IL33: variants seen among roughly 807,000 people sequenced by gnomAD.
The protein encoded by IL33 is interleukin-33.
IL33 carries 37 observed loss-of-function variants against 27.3 expected under a neutral mutation model. The ratio of observed to expected loss-of-function variants is 1.36; its 90% confidence interval spans 1.04 to 1.78. IL33 has a LOEUF of 1.78. Among genes scored for constraint, IL33 ranks in the 40% most tolerant of loss-of-function variants. The pLI is 0.00. For missense variants in IL33, 406 were observed against 311.4 expected, an observed-to-expected ratio of 1.30 and a Z score of -2.29; for synonymous variants, 132 against 102.9, an observed-to-expected ratio of 1.28 and a Z score of -1.71.
At chr9:6,221,812 G>A (rs1818422920) in intron 1 of IL33, among the ~76,000 whole-genome samples, 1 of 152,160 alleles carries the variant, frequency 6.6e-6, no homozygotes, top group Non-Finnish European at 1.5e-5. Flanking sequence ...GCATCAGTGG[G>A]TACACTCAAG....
At chr9:6,240,116 G>C (rs1245593850) in intron 1 of IL33, among the ~76,000 whole-genome samples, 2 of 152,148 alleles carry the variant, frequency 1.3e-5, no homozygotes, top group Non-Finnish European at 2.9e-5. Flanking sequence ...TCTACAAAAA[G>C]AGTCCAACTT....
intron 2 of IL33, among the ~76,000 whole-genome samples, chr9:6,248,168 C>G (rs777010746): frequency 6.6e-6 from 1 of 151,922 alleles, no homozygotes; most frequent in Non-Finnish European, 1.5e-5. Flanking sequence ...AATGTTTCCA[C>G]CAAAACTCAT....
chr9:6,251,430 G>T (rs1816350396), intron 4 of IL33, among the ~76,000 whole-genome samples, 165 bp downstream of exon 4: 1 of 152,082 alleles, frequency 6.6e-6, no homozygotes, highest in Admixed American at 6.5e-5. Context: ...TCCAAAGTAG[G>T]TGCAAGGTAG....
At chr9:6,254,163 T>A (rs148041582) in intron 6 of IL33, among the ~76,000 whole-genome samples, 99 of 152,288 alleles carry the variant, frequency 6.5e-4, no homozygotes, top group Middle Eastern at 3.4e-3. Context: ...GAATATTGGG[T>A]GACACTATGA....
chr9:6,245,221 G>T (rs754622216), intron 2 of IL33, among the ~76,000 whole-genome samples: 1 of 152,034 alleles, frequency 6.6e-6, no homozygotes, highest in Non-Finnish European at 1.5e-5. Flanking sequence ...AGGATTGAAC[G>T]GTGTTATTGA....
At chr9:6,236,026 C>T (rs923575388) in intron 1 of IL33, among the ~76,000 whole-genome samples, 1 of 63,662 alleles carries the variant, frequency 1.6e-5, no homozygotes, top group Non-Finnish European at 4.4e-5. Context: ...CATACACACA[C>T]ACACACACAC....
intron 4 of IL33, among the ~76,000 whole-genome samples, chr9:6,252,536 AC>A (rs1331541332): frequency 6.6e-6 from 1 of 152,150 alleles, no homozygotes; most frequent in African/African-American, 2.4e-5. Flanking sequence ...CTTCTTTACC[AC>A]AGTCCCCAGA....
chr9:6,217,049 T>C lies in IL33; in HGVS notation c.-12+1197T>C, dbSNP rs141170416. Among the ~76,000 whole-genome samples, 557 of 152,152 alleles carry C rather than the reference T, an allele frequency of 3.7e-3. 2 individuals carry two copies. Among genetic ancestry groups the C allele is most frequent in the African/African-American group, 0.012 (489 of 41,510 alleles). On this transcript the variant is annotated intron_variant, in intron 1 of 7. Coordinates refer to ENST00000682010, the MANE Select transcript of IL33 (RefSeq NM_033439.4). ...AAGGTTAGTTTGATGGGCAAAGGGC[T>C]TAGGGGAATAGGTGCTGCTGATTGG... is the stretch of plus-strand genomic sequence containing the variant.
chr9:6,233,943 T>G (rs557685551), intron 1 of IL33, among the ~76,000 whole-genome samples: 14 of 152,340 alleles, frequency 9.2e-5, no homozygotes, highest in East Asian at 3.9e-4. Flanking sequence ...CATACTTAAA[T>G]GACTCCTCCA....
At chr9:6,247,172 G>A (rs932954686) in intron 2 of IL33, among the ~76,000 whole-genome samples, 3 of 151,690 alleles carry the variant, frequency 2.0e-5, no homozygotes, top group African/African-American at 4.9e-5. Flanking sequence ...GTTTAAGAGT[G>A]AGAGAAGAAA....
At chr9:6,251,615 T>C (rs1816362482) in intron 4 of IL33, among the ~76,000 whole-genome samples, 1 of 152,176 alleles carries the variant, frequency 6.6e-6, no homozygotes. Flanking sequence ...AAAAGAGCTA[T>C]TATATTTTTA....
intron 1 of IL33, among the ~76,000 whole-genome samples, chr9:6,237,700 T>C (rs890556571): frequency 6.6e-6 from 1 of 152,234 alleles, no homozygotes; most frequent in African/African-American, 2.4e-5. Flanking sequence ...AGAATGTAGA[T>C]TGGAACATTT....
chr9:6,253,401 A>G, intron 5 of IL33, 151 bp from the exon 6 acceptor site: 1 of 550,198 alleles, frequency 1.8e-6, no homozygotes, highest in South Asian at 3.1e-5. Flanking sequence ...ATATTCGTGC[A>G]TTTTTGAGAC....
At chr9:6,252,096 C>CAAAA (rs1491355712) in intron 4 of IL33, among the ~76,000 whole-genome samples, 4 of 75,472 alleles carry the variant, frequency 5.3e-5, no homozygotes, top group African/African-American at 1.0e-4. Context: ...AACAAAAAAA[C>CAAAA]CAACTTTACC....
chr9:6,246,523 C>T (rs1346880530), intron 2 of IL33, among the ~76,000 whole-genome samples: 5 of 152,074 alleles, frequency 3.3e-5, no homozygotes, highest in Admixed American at 6.5e-5. Flanking sequence ...GATTGCACCA[C>T]TGCACTCCAG....
intron 1 of IL33, among the ~76,000 whole-genome samples, chr9:6,219,499 G>T (rs1256917474): frequency 6.6e-6 from 1 of 152,116 alleles, no homozygotes; most frequent in African/African-American, 2.4e-5. Context: ...TATTTTTTAA[G>T]TGAAGAGTGC....
At chr9:6,229,261 TG>T (rs1818811314) in intron 1 of IL33, among the ~76,000 whole-genome samples, 1 of 152,098 alleles carries the variant, frequency 6.6e-6, no homozygotes, top group Non-Finnish European at 1.5e-5. Flanking sequence ...GGTCTAAGCT[TG>T]GGAAGGGGAT....
At chr9:6,249,246 C>T in intron 2 of IL33, among the ~76,000 whole-genome samples, 1 of 152,126 alleles carries the variant, frequency 6.6e-6, no homozygotes, top group East Asian at 1.9e-4. Context: ...CTAATAAAAG[C>T]TTTTCCACTT....
At chr9:6,237,397 T>C (rs1354754179) in intron 1 of IL33, among the ~76,000 whole-genome samples, 3 of 152,238 alleles carry the variant, frequency 2.0e-5, no homozygotes, top group Admixed American at 6.5e-5. Flanking sequence ...TTTTGACTTA[T>C]CATGTGGTTC....
Sources: allele counts gnomAD v4.1 joint callset (sites outside exome capture counted in the v4.1 genomes callset), GRCh38; gene constraint gnomAD v4.1.1; transcripts MANE v1.5; gene names NCBI Gene and HGNC (gene_info 2026-07-23, HGNC 2026-07-21).